Variants in CASP6 observed in about 807,000 individuals in gnomAD.
The protein encoded by CASP6 is caspase-6.
In CASP6, 20 loss-of-function variants were observed where a neutral mutation model predicts 31.8. The ratio of observed to expected loss-of-function variants is 0.63; its 90% CI spans 0.44 to 0.91. CASP6 has a LOEUF of 0.91. Ranked by LOEUF, CASP6 falls within the 40% of genes least tolerant of loss-of-function variation. The pLI, the probability that CASP6 is intolerant of heterozygous loss-of-function variation, is 0.00. For missense variants in CASP6, 328 were observed against 361.1 expected (o/e 0.91, Z 0.74); for synonymous variants, 130 against 127.8 (o/e 1.02, Z -0.12).
At position 109,689,383 on chromosome 4, in the gene CASP6, A is replaced by AGG. The variant is rs1447192620; in HGVS notation, c.827_828dup (p.Cys277ProfsTer7). On this transcript the variant is annotated frameshift_variant, in exon 7 of 7. Coordinates refer to ENST00000265164, the MANE Select transcript of CASP6 (RefSeq NM_001226.4). LOFTEE classifies it high-confidence loss of function. ...TTTTTAGTTAGCATTGAGGCAAAAC[A>AGG]GGGAACCTGCTTCTTTCCAATTGCA... 6.2e-7 allele frequency: 1 copy of AGG among 1,614,240 alleles called. No individual in the cohort carries two copies. Among genetic ancestry groups the AGG allele is most frequent in the East Asian group, 2.2e-5 (1 of 44,884 alleles).
the CASP6 span, among the ~76,000 whole-genome samples, chr4:109,670,685 C>T: frequency 5.6e-3 from 843 of 151,358 alleles, 6 homozygotes; most frequent in African/African-American, 0.019. Flanking sequence ...CATTGCACTC[C>T]AGCCTGGGCA....
At chr4:109,678,187 A>G in the CASP6 span, among the ~76,000 whole-genome samples, 1 of 152,122 alleles carries the variant, frequency 6.6e-6, no homozygotes, top group Non-Finnish European at 1.5e-5. Flanking sequence ...CTTAGTACAG[A>G]ACAAAATGGA....
chr4:109,705,235 C>G (rs1218448136), upstream of CASP6, among the ~76,000 whole-genome samples: 1 of 152,110 alleles, frequency 6.6e-6, no homozygotes, highest in Non-Finnish European at 1.5e-5. Context: ...ATAAATGGAC[C>G]AACAAAGGCT....
At chr4:109,686,335 C>T (rs1033684469), downstream of CASP6, among the ~76,000 whole-genome samples, 8 of 152,222 alleles carry the variant, frequency 5.3e-5, no homozygotes, top group Non-Finnish European at 1.0e-4. Context: ...GACAGAGTTC[C>T]ACTATGTTGT....
the CASP6 span, among the ~76,000 whole-genome samples, chr4:109,682,182 C>T: frequency 2.0e-5 from 3 of 152,216 alleles, no homozygotes; most frequent in Non-Finnish European, 2.9e-5. Context: ...CCAGCTAGTT[C>T]TGTCTCTCAC....
chr4:109,677,981 T>C, the CASP6 span, among the ~76,000 whole-genome samples: 1 of 152,020 alleles, frequency 6.6e-6, no homozygotes, highest in Non-Finnish European at 1.5e-5. Flanking sequence ...GCAGTGTTTG[T>C]GTCCCTGGGT....
At chr4:109,676,867 T>C in the CASP6 span, among the ~76,000 whole-genome samples, 1 of 152,242 alleles carries the variant, frequency 6.6e-6, no homozygotes, top group East Asian at 1.9e-4. Flanking sequence ...GGAGAATAGA[T>C]TTAAAGACAG....
chr4:109,708,460 T>C (rs368500928), upstream of CASP6, among the ~76,000 whole-genome samples: 38 of 152,360 alleles, frequency 2.5e-4, no homozygotes, highest in African/African-American at 8.9e-4. Context: ...CCTACCCCAG[T>C]TGCCTTGCAT....
upstream of CASP6, among the ~76,000 whole-genome samples, chr4:109,706,723 A>G (rs1259544471): frequency 6.6e-6 from 1 of 152,198 alleles, no homozygotes; most frequent in African/African-American, 2.4e-5. Flanking sequence ...ACTGGCCAAC[A>G]TGGCAAAACC....
chr4:109,685,699 G>T (rs939589204), downstream of CASP6, among the ~76,000 whole-genome samples: 1 of 152,146 alleles, frequency 6.6e-6, no homozygotes. Context: ...AGGAACTTAA[G>T]GCATTTATAA....
chr4:109,704,469 T>G (rs545390005), upstream of CASP6, among the ~76,000 whole-genome samples: 1 of 152,284 alleles, frequency 6.6e-6, no homozygotes, highest in African/African-American at 2.4e-5. Flanking sequence ...GCCACAACAT[T>G]CCCTTAAGCC....
At chr4:109,696,328 A>T in intron 4 of CASP6, 82 bp downstream of exon 4, 1 of 984,046 alleles carries the variant, frequency 1.0e-6, no homozygotes, top group South Asian at 1.6e-5. Context: ...ACAAGTAATT[A>T]CTTGTACCTG....
At chr4:109,678,821 G>T in the CASP6 span, among the ~76,000 whole-genome samples, 1 of 147,734 alleles carries the variant, frequency 6.8e-6, no homozygotes. Context: ...ATTCCCAGAC[G>T]GGGCAGCTGG....
the CASP6 span, among the ~76,000 whole-genome samples, chr4:109,666,327 T>A: frequency 1.3e-5 from 2 of 152,310 alleles, no homozygotes; most frequent in African/African-American, 4.8e-5. Flanking sequence ...AGGAACATGA[T>A]TGCTGGCACA....
upstream of CASP6, among the ~76,000 whole-genome samples, chr4:109,705,994 AAAAAAAAATATATATATATAT>A (rs1448387939): frequency 9.9e-5 from 7 of 70,934 alleles, no homozygotes; most frequent in South Asian, 1.6e-3. Context: ...AAAAAAAAAA[AAAAAAAAATATATATATATAT>A]ATATATATAT....
the CASP6 span, among the ~76,000 whole-genome samples, chr4:109,672,060 C>A: frequency 6.6e-6 from 1 of 151,824 alleles, no homozygotes; most frequent in Non-Finnish European, 1.5e-5. Flanking sequence ...AGGAATCATT[C>A]TATAATCTTA....
At chr4:109,702,529 C>T (rs897272864) in intron 1 of CASP6, among the ~76,000 whole-genome samples, 3 of 151,766 alleles carry the variant, frequency 2.0e-5, no homozygotes, top group Non-Finnish European at 2.9e-5. Flanking sequence ...GTTAGTTAGG[C>T]TGGTCGAGAA....
chr4:109,705,113 G>C (rs575026100), upstream of CASP6, among the ~76,000 whole-genome samples: 8 of 152,338 alleles, frequency 5.3e-5, no homozygotes, highest in South Asian at 1.7e-3. Flanking sequence ...AAGCTTCAAA[G>C]AACAGGCTGA....
intron 6 of CASP6, among the ~76,000 whole-genome samples, chr4:109,689,971 G>C (rs1022275694): frequency 2.6e-5 from 4 of 151,998 alleles, no homozygotes; most frequent in Non-Finnish European, 5.9e-5. Flanking sequence ...GATCACTTGA[G>C]GTCAGGAGTT....
Sources: allele counts gnomAD v4.1 joint callset (sites outside exome capture counted in the v4.1 genomes callset), GRCh38; gene constraint gnomAD v4.1.1; transcripts MANE v1.5; gene names NCBI Gene and HGNC (gene_info 2026-07-23, HGNC 2026-07-21).